The following GUCY2C variants were observed in gnomAD, a reference collection of about 807,000 sequenced individuals.
GUCY2C encodes guanylyl cyclase C.
GUCY2C carries 118 observed loss-of-function variants against 131.1 expected under a neutral mutation model. The ratio of observed to expected loss-of-function variants is 0.90; its 90% CI spans 0.78 to 1.05. GUCY2C has a LOEUF of 1.05. Ranked by LOEUF, GUCY2C falls within the 50% of genes least tolerant of loss-of-function variation. GUCY2C has a pLI of 0.00. For missense variants in GUCY2C, 1,161 were observed against 1,304.4 expected (o/e 0.89, Z 1.69); for synonymous variants, 452 against 457.8 (o/e 0.99, Z 0.16).
In GUCY2C at chr12:14,622,065, G is replaced by A. The variant is rs746913184; in HGVS notation, c.2541C>T (p.Asp847=). ...CKYSTPMEVV[D]MLNDIYKSFD... is the part of the protein sequence containing the mutation. ...AACTCTTATAGATGTCATTAAGCAT[G>A]TCCACCACTTCCATGGGGGTGCTGT... Residue 847 remains aspartate (D), a synonymous_variant, in exon 22 of 27, where the codon GAC becomes GAT. Coordinates refer to ENST00000261170, the MANE Select transcript of GUCY2C (RefSeq NM_004963.4). The A allele has an allele frequency of 2.5e-6, 4 of 1,610,358 alleles. No individual in the cohort carries two copies. Among genetic ancestry groups the A allele is most frequent in the Non-Finnish European group, 3.4e-6 (4 of 1,178,606 alleles).
chr12:14,680,490 A>G (rs994548391), intron 5 of GUCY2C, among the ~76,000 whole-genome samples: 1 of 152,224 alleles, frequency 6.6e-6, no homozygotes, highest in Non-Finnish European at 1.5e-5. Context: ...GGCCATTAAT[A>G]TAACAAATGC....
intron 11 of GUCY2C, among the ~76,000 whole-genome samples, chr12:14,657,685 A>C (rs1474625753): frequency 1.3e-5 from 2 of 152,006 alleles, no homozygotes; most frequent in Non-Finnish European, 2.9e-5. Context: ...CAGGTTGTGC[A>C]CTCCTTATCC....
intron 1 of GUCY2C, among the ~76,000 whole-genome samples, chr12:14,694,603 G>A (rs879137485): frequency 1.1e-4 from 16 of 152,054 alleles, no homozygotes; most frequent in Admixed American, 5.9e-4. Flanking sequence ...ACACTGCCTC[G>A]GTAAATAAGG....
At chr12:14,648,758 A>T (rs1431816441) in intron 15 of GUCY2C, among the ~76,000 whole-genome samples, 11 of 152,194 alleles carry the variant, frequency 7.2e-5, no homozygotes, top group Admixed American at 7.2e-4. Context: ...ATAACTGTAT[A>T]TCTTATTTCT....
chr12:14,621,324 T>A, intron 22 of GUCY2C, 108 bp from the exon 23 acceptor site: 1 of 914,236 alleles, frequency 1.1e-6, no homozygotes, highest in Non-Finnish European at 1.7e-6. Flanking sequence ...GGGAACACAG[T>A]ATGAGCATAG....
chr12:14,671,550 C>G lies in GUCY2C; in HGVS notation c.1170+1323G>C, dbSNP rs576043178. ...TGGATATAGATTATCATCCCTTTAACCTTACATTTTGAGAAGATCTCTGAT... is the reference window on the plus strand; with the variant it reads ...TGGATATAGATTATCATCCCTTTAAGCTTACATTTTGAGAAGATCTCTGAT... On this transcript the variant is annotated intron_variant, in intron 9 of 26. Transcript: ENST00000261170. 2.0e-5 allele frequency among the ~76,000 whole-genome samples: 3 copies of G among 152,284 alleles called. No individual in the cohort carries two copies. In the East Asian group the frequency reaches 5.8e-4, roughly 29 times the overall value.
chr12:14,664,570 A>T (rs1473445446), intron 10 of GUCY2C, among the ~76,000 whole-genome samples: 5 of 152,116 alleles, frequency 3.3e-5, no homozygotes, highest in African/African-American at 1.2e-4. Context: ...TGCCTTTTAG[A>T]TAAACGCAGT....
chr12:14,616,827 A>C (rs1174687113), intron 24 of GUCY2C, 100 bp from the exon 25 acceptor site: 12 of 738,218 alleles, frequency 1.6e-5, no homozygotes, highest in Non-Finnish European at 3.0e-5. Context: ...AAGAATCCTA[A>C]ATCAAGAAGA....
In GUCY2C at chr12:14,619,201, C is replaced by G; in HGVS notation, c.2875+10G>C. The G allele has an allele frequency of 3.3e-6, 5 of 1,514,184 alleles. No individual in the cohort carries two copies. The highest frequency in any genetic ancestry group is 4.6e-6 in the Non-Finnish European group (5 of 1,089,366). 93.8% of individuals were successfully genotyped at this position (1,514,184 alleles called of 1,614,324 possible). A position where few individuals can be genotyped will look rare whatever the true frequency, so the allele number is the denominator to read the frequency against. ...CTTTGTCCTCTGAGAAAAACAGTCT[C>G]CCTTCTTACGGAGGCCAGTGGATTC... On this transcript the variant is annotated intron_variant, in intron 24 of 26. Transcript: ENST00000261170.
At chr12:14,689,473 T>C (rs2137108374) in intron 1 of GUCY2C, among the ~76,000 whole-genome samples, 1 of 152,324 alleles carries the variant, frequency 6.6e-6, no homozygotes, top group East Asian at 1.9e-4. Flanking sequence ...AATGCAATCA[T>C]TCTTATTGAT....
At chr12:14,633,372 G>T (rs183723087) in intron 19 of GUCY2C, among the ~76,000 whole-genome samples, 1 of 152,146 alleles carries the variant, frequency 6.6e-6, no homozygotes, top group East Asian at 1.9e-4. Flanking sequence ...AAGCCAAAGT[G>T]CCTCACCCAA....
In GUCY2C at chr12:14,639,916, C is replaced by T; in HGVS notation, c.2103G>A (p.Met701Ile). The T allele has an allele frequency of 6.2e-7, 1 of 1,611,762 alleles. No homozygotes were observed. The highest frequency in any genetic ancestry group is 1.3e-5 in the African/African-American group (1 of 74,990). Residue 701 changes from methionine (M) to isoleucine (I), a missense_variant, in exon 19 of 27, where the codon ATG (methionine) becomes ATA (isoleucine). Met to Ile is a conservative substitution (Grantham distance 10). Coordinates refer to ENST00000261170, the MANE Select transcript of GUCY2C (RefSeq NM_004963.4). Reference sequence around the variant, plus strand: ...AGAATAAATCTGGGCGGAAGGGTTTCATTCCATTGGAATTTTCCACTCTGA... The same window carrying T: ...AGAATAAATCTGGGCGGAAGGGTTTTATTCCATTGGAATTTTCCACTCTGA... ...KIFRVENSNG[M>I]KPFRPDLFLE...
intron 23 of GUCY2C, chr12:14,619,710 C>G (rs1037480036): frequency 4.8e-4 from 77 of 160,752 alleles, no homozygotes; most frequent in Non-Finnish European, 9.1e-4. Flanking sequence ...GCTTCAATGG[C>G]TCAAGTTTGT....
Position 14,616,580 on chromosome 12 carries a change from GC to G in GUCY2C, c.2970+52del, listed in dbSNP as rs1211669637. 6.2e-6 allele frequency: 6 copies of G among 969,738 alleles called. No individual in the cohort carries two copies. The African/African-American group carries it at 8.0e-5, about 13-fold the overall frequency. 60.1% of individuals were successfully genotyped at this position (969,738 alleles called of 1,614,324 possible). A position where few individuals can be genotyped will look rare whatever the true frequency, so the allele number is the denominator to read the frequency against. ...TCCTGGCCAAGTCTCAAAGGAGGTGGCCCAAGCGTGTCTGAGAGCTTTTCCT... is the reference window on the plus strand; with the variant it reads ...TCCTGGCCAAGTCTCAAAGGAGGTGGCCAAGCGTGTCTGAGAGCTTTTCCT... On this transcript the variant is annotated intron_variant, in intron 25 of 26. Coordinates refer to ENST00000261170, the MANE Select transcript of GUCY2C (RefSeq NM_004963.4).
In GUCY2C at chr12:14,613,356, C is replaced by T; in HGVS notation, c.3048-65G>A. ...AATTCATACAGAATATTCCTTAGCT[C>T]CAGAATAATCAGTTCAGTTAGTCAG... On this transcript the variant is annotated intron_variant, in intron 26 of 26. Transcript: ENST00000261170. This position sits in a 1 kb window ranked among gnomAD's most constrained non-coding sequence, Gnocchi z 4.9. The T allele has an allele frequency of 8.3e-7, 1 of 1,206,934 alleles. No homozygotes were observed. The highest frequency in any genetic ancestry group is 1.2e-5 in the South Asian group (1 of 82,116). The allele number at this position is 1,206,934 out of a possible 1,614,324, so 74.8% of individuals were successfully genotyped here.
At chr12:14,647,896 A>C (rs982207330) in intron 15 of GUCY2C, among the ~76,000 whole-genome samples, 2 of 151,864 alleles carry the variant, frequency 1.3e-5, no homozygotes, top group Non-Finnish European at 2.9e-5. Context: ...TATAATTTTT[A>C]GTATTTGAGG....
At chr12:14,666,911 G>A (rs7959618) in intron 10 of GUCY2C, among the ~76,000 whole-genome samples, 5,087 of 152,264 alleles carry the variant, frequency 0.033, 288 homozygotes, top group African/African-American at 0.12. Context: ...GGCTAACTGA[G>A]GTTGTTAGTT....
At chr12:14,660,402 G>A (rs1459608949) in intron 11 of GUCY2C, among the ~76,000 whole-genome samples, 1 of 152,162 alleles carries the variant, frequency 6.6e-6, no homozygotes, top group African/African-American at 2.4e-5. Context: ...GGAACTGATG[G>A]TGAGAAGGCT....
chr12:14,645,180 G>A, intron 16 of GUCY2C, 49 bp downstream of exon 16: 2 of 1,004,158 alleles, frequency 2.0e-6, no homozygotes, highest in Non-Finnish European at 3.1e-6. Context: ...TGTTAGATCT[G>A]TTTTCTTATA....
Sources: allele counts gnomAD v4.1 joint callset (sites outside exome capture counted in the v4.1 genomes callset), GRCh38; gene constraint gnomAD v4.1.1; non-coding constraint Gnocchi (gnomAD v3.1); transcripts MANE v1.5; gene names NCBI Gene and HGNC (gene_info 2026-07-23, HGNC 2026-07-21).